Variants in COL24A1 observed in about 807,000 individuals in gnomAD.
COL24A1 encodes collagen type XXIV alpha 1 chain, also known as collagen alpha-1(XXIV) chain.
Under a neutral mutation model 253.9 loss-of-function variants are expected in COL24A1, and 224 were observed. The ratio of observed to expected loss-of-function variants is 0.88; its 90% CI spans 0.79 to 0.99. The LOEUF is 0.99. COL24A1 is among the 50% of genes least tolerant of loss of function. The pLI is 0.00. For missense variants in COL24A1, 2,131 were observed against 2,068.5 expected (o/e 1.03, Z -0.59); for synonymous variants, 685 against 673.7 (o/e 1.02, Z -0.26).
intron 19 of COL24A1, among the ~76,000 whole-genome samples, chr1:85,990,176 T>C (rs144889404): frequency 3.5e-4 from 54 of 152,344 alleles, no homozygotes; most frequent in Middle Eastern, 3.4e-3. Flanking sequence ...TGGCTTGTTG[T>C]AGCCCCTCAG....
At chr1:85,827,982 C>G (rs377738007) in intron 43 of COL24A1, among the ~76,000 whole-genome samples, 2 of 151,908 alleles carry the variant, frequency 1.3e-5, no homozygotes, top group East Asian at 3.8e-4. Flanking sequence ...TGTGTTTGCT[C>G]TTGCTTTTCT....
At chr1:85,903,435 A>G (rs1403995001) in intron 28 of COL24A1, among the ~76,000 whole-genome samples, 1 of 152,210 alleles carries the variant, frequency 6.6e-6, no homozygotes, top group Non-Finnish European at 1.5e-5. Context: ...TTGACTTCTA[A>G]GACAAAATAA....
chr1:85,754,619 A>C (rs1365481625), intron 55 of COL24A1, among the ~76,000 whole-genome samples: 3 of 151,824 alleles, frequency 2.0e-5, no homozygotes, highest in Admixed American at 6.6e-5. Flanking sequence ...ATATAATAAA[A>C]GCACATAAAT....
chr1:85,730,982 G>A (rs1214912068), intron 59 of COL24A1, among the ~76,000 whole-genome samples: 2 of 152,106 alleles, frequency 1.3e-5, no homozygotes, highest in African/African-American at 2.4e-5. Flanking sequence ...GAATTAAAAG[G>A]CTGCAATACT....
chr1:85,743,185 G>C (rs1340313178), intron 57 of COL24A1, among the ~76,000 whole-genome samples: 1 of 152,124 alleles, frequency 6.6e-6, no homozygotes, highest in Non-Finnish European at 1.5e-5. Context: ...GAGTAGTCTA[G>C]AGGGTCTTGT....
At chr1:86,039,336 AT>A (rs1281254704) in intron 12 of COL24A1, among the ~76,000 whole-genome samples, 2 of 152,220 alleles carry the variant, frequency 1.3e-5, no homozygotes, top group Non-Finnish European at 2.9e-5. Context: ...TTGGTAGTCT[AT>A]TTAAATATGT....
At chr1:85,821,088 A>AT (rs1359067068) in intron 45 of COL24A1, among the ~76,000 whole-genome samples, 1 of 152,178 alleles carries the variant, frequency 6.6e-6, no homozygotes, top group Non-Finnish European at 1.5e-5. Flanking sequence ...GAAATCTGGA[A>AT]TTTTGTTTTG....
chr1:86,035,918 C>T (rs1698968175), intron 12 of COL24A1, among the ~76,000 whole-genome samples: 1 of 151,892 alleles, frequency 6.6e-6, no homozygotes, highest in Admixed American at 6.6e-5. Context: ...TTTTCCCCAC[C>T]TAGGAGAGGG....
intron 37 of COL24A1, among the ~76,000 whole-genome samples, chr1:85,856,232 T>C (rs1343465618): frequency 6.6e-6 from 1 of 152,154 alleles, no homozygotes; most frequent in Non-Finnish European, 1.5e-5. Context: ...ATTTCAGCTT[T>C]TGGGTTTGTT....
chr1:85,760,218 A>G (rs941127902), intron 55 of COL24A1, among the ~76,000 whole-genome samples: 1 of 151,948 alleles, frequency 6.6e-6, no homozygotes, highest in African/African-American at 2.4e-5. Context: ...GATTACAGGC[A>G]TGTGCCACCA....
At chr1:85,780,389 C>A (rs937994345) in intron 52 of COL24A1, among the ~76,000 whole-genome samples, 1 of 152,102 alleles carries the variant, frequency 6.6e-6, no homozygotes, top group East Asian at 1.9e-4. Flanking sequence ...TTCTACTGTG[C>A]TCCTTGCTTG....
rs375978525 is a variant in COL24A1, at chr1:85,907,237, C to T, written c.2735G>A (p.Gly912Glu). 2.5e-6 allele frequency: 4 copies of T among 1,610,784 alleles called. No homozygotes were observed. Among genetic ancestry groups the T allele is most frequent in the Admixed American group, 3.3e-5 (2 of 59,854 alleles). Residue 912 changes from glycine to glutamate, a missense_variant, in exon 28 of 60, where the codon GGG (glycine) becomes GAG (glutamate). Coordinates refer to ENST00000370571, the MANE Select transcript of COL24A1 (RefSeq NM_152890.7). ...TTGACTCCCAGGTGGTCCTCTTGCC[C>T]CCACATGACCCTATATGTTGTAAAT... is the stretch of plus-strand genomic sequence containing the variant. The part of the protein sequence containing the change: ...IGPLGLPGHV[G>E]ARGPPGSQGP...
intron 3 of COL24A1, among the ~76,000 whole-genome samples, chr1:86,118,380 G>A (rs964884220): frequency 6.6e-6 from 1 of 152,042 alleles, no homozygotes; most frequent in Non-Finnish European, 1.5e-5. Flanking sequence ...CTTTTTTAAG[G>A]TATGCATAAG....
At position 85,734,791 on chromosome 1, in the gene COL24A1, T is replaced by C; in HGVS notation, c.4956A>G (p.Val1652=). 2 of 1,614,230 alleles carry C rather than the reference T, an allele frequency of 1.2e-6. No homozygotes were observed. The highest frequency in any genetic ancestry group is 2.2e-5 in the South Asian group (2 of 91,086). ...GCACTTTAGGTTCAAGTAGAGTGTT[T>C]ACTTTAAAAATCTGGCCATTCCATC... ...FKGWNGQIFK[V]NTLLEPKVLS... The change falls in exon 59 of 60, where the codon GTA becomes GTG. Residue 1652 remains valine, a synonymous_variant. Transcript: ENST00000370571.
rs150824821 is a variant in COL24A1 at position 86,050,298 on chromosome 1, C to T, written c.1852-121G>A. 1.3e-3 allele frequency: 765 copies of T among 603,608 alleles called. 6 individuals carry two copies. Among genetic ancestry groups the T allele is most frequent in the African/African-American group, 0.013 (670 of 53,028 alleles). The allele number at this position is 603,608 out of a possible 1,614,324, so 37.4% of individuals were successfully genotyped here. ...TACGAAATTACAAGACTTACAAGTG[C>T]GAATAACTTCCCCTCACCTAATTGC... is the stretch of plus-strand genomic sequence containing the variant. On this transcript the variant is annotated intron_variant, in intron 10 of 59. Coordinates refer to ENST00000370571, the MANE Select transcript of COL24A1 (RefSeq NM_152890.7).
rs1337724839 is a variant in COL24A1 at position 85,945,018 on chromosome 1, T to TTTTG, written c.2562+16230_2562+16231insCAAA. ...TATCATTGTGTTTTTTTTTTTTTTTTTTTTTTTTTTTTTTTTTGAGACAGA... is the reference window on the plus strand; with the variant it reads ...TATCATTGTGTTTTTTTTTTTTTTTTTTTGTTTTTTTTTTTTTTTTTGAGACAGA... On this transcript the variant is annotated intron_variant, in intron 24 of 59. Transcript: ENST00000370571. 4.3e-3 allele frequency among the ~76,000 whole-genome samples: 376 copies of TTTTG among 86,816 alleles called. 15 individuals are homozygous for TTTTG. The highest frequency in any genetic ancestry group is 8.4e-3 in the East Asian group (20 of 2,374). The allele number at this position is 86,816 out of a possible 152,430, so 57.0% of individuals were successfully genotyped here.
intron 32 of COL24A1, among the ~76,000 whole-genome samples, chr1:85,879,933 G>A (rs1020934189): frequency 6.6e-6 from 1 of 152,126 alleles, no homozygotes; most frequent in African/African-American, 2.4e-5. Context: ...CTTGATTACT[G>A]TAGTTTTACA....
chr1:85,884,007 C>T (rs1682182196), intron 32 of COL24A1, among the ~76,000 whole-genome samples: 2 of 152,108 alleles, frequency 1.3e-5, no homozygotes, highest in South Asian at 4.2e-4. Flanking sequence ...ATTCCTTCGC[C>T]AACACTCCTT....
At chr1:85,731,116 A>G (rs1663427082) in intron 59 of COL24A1, among the ~76,000 whole-genome samples, 2 of 152,258 alleles carry the variant, frequency 1.3e-5, no homozygotes, top group South Asian at 4.1e-4. Context: ...GGTAGAAAAT[A>G]AACAGAATCA....
Sources: gnomAD v4.1 joint callset for allele counts (sites outside exome capture counted in the v4.1 genomes callset) on GRCh38, gnomAD v4.1.1 for gene constraint, MANE v1.5 for transcripts, NCBI Gene and HGNC (gene_info 2026-07-23, HGNC 2026-07-21) for gene names.